The following DOCK4 variants were observed in gnomAD, a reference collection of about 807,000 sequenced individuals.
The protein encoded by DOCK4 is dedicator of cytokinesis protein 4.
A neutral mutation model predicts 268.1 loss-of-function variants in DOCK4; 97 were observed. The observed-to-expected ratio is 0.36, with a 90% confidence interval of 0.31 to 0.43. The LOEUF is 0.43. Among genes scored for constraint, DOCK4 ranks in the 20% least tolerant of loss-of-function variants. The probability of loss-of-function intolerance (pLI) is 1.00; values close to 1 mark genes in which losing one functional copy is unlikely to be tolerated. For missense variants in DOCK4, 2,145 were observed against 2,455.7 expected (o/e 0.87, Z 2.67); for synonymous variants, 954 against 887.2 (o/e 1.08, Z -1.34).
chr7:112,094,967 G>A (rs1586811503), intron 1 of DOCK4, among the ~76,000 whole-genome samples: 1 of 152,296 alleles, frequency 6.6e-6, no homozygotes, highest in African/African-American at 2.4e-5. Flanking sequence ...TTCCTGTACT[G>A]CCTGCAGAAT....
intron 28 of DOCK4, among the ~76,000 whole-genome samples, chr7:111,810,456 CA>C (rs59452952): frequency 0.076 from 10,343 of 136,046 alleles, 1,195 homozygotes; most frequent in African/African-American, 0.26. Flanking sequence ...TGTCTCAAAA[CA>C]AAAAAAAGAA....
intron 23 of DOCK4, among the ~76,000 whole-genome samples, chr7:111,851,632 T>C (rs1804562705): frequency 1.3e-5 from 2 of 151,966 alleles, no homozygotes; most frequent in Non-Finnish European, 2.9e-5. Flanking sequence ...AAGATCCCTA[T>C]TTGTTGCCTT....
At chr7:112,120,889 A>G (rs935266960) in intron 1 of DOCK4, among the ~76,000 whole-genome samples, 2 of 152,186 alleles carry the variant, frequency 1.3e-5, no homozygotes, top group East Asian at 1.9e-4. Context: ...CCTGAAATAC[A>G]TAATTATCAA....
In DOCK4 at chr7:111,941,178, T is replaced by A. The variant is rs566908660; in HGVS notation, c.845-936A>T. ...GCCCGAAAACCTCTTATTTTATCAG[T>A]TAGAATCAAACTAAAAAATGGCCCA... On this transcript the variant is annotated intron_variant, in intron 10 of 52. Coordinates refer to ENST00000428084, the MANE Select transcript of DOCK4 (RefSeq NM_001363540.2). Among the ~76,000 whole-genome samples the A allele has an allele frequency of 3.0e-4, 46 of 152,306 alleles. 1 individual carries two copies. In the South Asian group the frequency reaches 8.7e-3, roughly 29 times the overall value.
chr7:112,172,380 C>G (rs529403247), intron 1 of DOCK4, among the ~76,000 whole-genome samples: 46 of 152,234 alleles, frequency 3.0e-4, no homozygotes, highest in African/African-American at 1.0e-3. Context: ...ATTTTACCTC[C>G]CTATGAGAAA....
intron 25 of DOCK4, among the ~76,000 whole-genome samples, chr7:111,838,086 C>CAAAAA (rs749907970): frequency 1.3e-4 from 4 of 29,836 alleles, no homozygotes; most frequent in Admixed American, 8.6e-4. Context: ...AACCCTACCT[C>CAAAAA]AAAAAAAAAA....
intron 23 of DOCK4, chr7:111,863,035 A>G (rs1805678260): frequency 4.2e-6 from 1 of 239,372 alleles, no homozygotes; most frequent in Non-Finnish European, 8.3e-6. Context: ...AAAGTTTCAT[A>G]TAGCTTCAGA....
At chr7:112,003,275 C>T (rs1800587072) in intron 2 of DOCK4, among the ~76,000 whole-genome samples, 2 of 151,814 alleles carry the variant, frequency 1.3e-5, no homozygotes, top group Non-Finnish European at 2.9e-5. Flanking sequence ...GTGGTCCTAG[C>T]TACTTGGGAG....
At chr7:111,956,700 G>C (rs1796478751) in intron 8 of DOCK4, among the ~76,000 whole-genome samples, 4 of 152,134 alleles carry the variant, frequency 2.6e-5, no homozygotes, top group African/African-American at 9.7e-5. Flanking sequence ...GCAACATGTG[G>C]ATTCAGTAAT....
chr7:111,728,452 C>A lies in DOCK4; in HGVS notation c.5750G>T (p.Arg1917Leu), dbSNP rs374504389. ...TAGCGGGACGGGGCGCCGCAGAGTC[C>A]GCTCGTAGACGCTGTACGGGGGCGG... Reference protein sequence around the residue: ...KTPPPYSVYERTLRRPVPLPH... With the variant: ...KTPPPYSVYELTLRRPVPLPH... Residue 1917 changes from arginine (R) to leucine (L), a missense_variant, in exon 53 of 53, where the codon CGG (arginine) becomes CTG (leucine). By Grantham distance (102) the Arg-to-Leu change is moderately radical. Transcript: ENST00000428084. 8 of 1,604,602 alleles carry A rather than the reference C, an allele frequency of 5.0e-6. No homozygotes were observed. The South Asian group carries it at 7.8e-5, about 16-fold the overall frequency.
intron 13 of DOCK4, among the ~76,000 whole-genome samples, chr7:111,906,319 A>G (rs1226922598): frequency 1.3e-5 from 2 of 152,204 alleles, no homozygotes; most frequent in African/African-American, 2.4e-5. Context: ...GAAAGGACTC[A>G]GAACCCATCA....
chr7:111,746,911 G>C (rs1219727750), intron 43 of DOCK4, among the ~76,000 whole-genome samples: 1 of 148,614 alleles, frequency 6.7e-6, no homozygotes, highest in African/African-American at 2.5e-5. Flanking sequence ...TTACAGGTGT[G>C]AGCCACTGAG....
chr7:111,952,338 G>C (rs1049050463), intron 8 of DOCK4, among the ~76,000 whole-genome samples: 3 of 152,140 alleles, frequency 2.0e-5, no homozygotes, highest in Non-Finnish European at 4.4e-5. Context: ...AGGCACAGTA[G>C]GGATCTGAAG....
At chr7:111,955,563 G>A (rs922444319) in intron 8 of DOCK4, among the ~76,000 whole-genome samples, 2 of 152,102 alleles carry the variant, frequency 1.3e-5, no homozygotes, top group African/African-American at 4.8e-5. Context: ...TAGTCAGGAT[G>A]ATTATTGTGT....
At position 111,790,546 on chromosome 7, in the gene DOCK4, T is replaced by C. The variant is rs755242654; in HGVS notation, c.3226A>G (p.Ile1076Val). The change falls in exon 31 of 53, where the codon ATA (isoleucine) becomes GTA (valine). Residue 1076 changes from isoleucine to valine, a missense_variant. By Grantham distance (29) the Ile-to-Val change is conservative. Transcript: ENST00000428084. ...ACATTCCGAAGATCTGGCTGGGGTA[T>C]CAAGGTCACTTCTAGGAAGGGGCCA... is the stretch of plus-strand genomic sequence containing the variant. ...LIGPFLEVTL[I>V]PQPDLRNVMI... 1.3e-5 allele frequency: 21 copies of C among 1,613,802 alleles called. No homozygotes were observed. Among genetic ancestry groups the C allele is most frequent in the Non-Finnish European group, 1.6e-5 (19 of 1,179,862 alleles).
chr7:112,098,232 G>A (rs1163002644), intron 1 of DOCK4, among the ~76,000 whole-genome samples: 1 of 152,056 alleles, frequency 6.6e-6, no homozygotes, highest in Non-Finnish European at 1.5e-5. Context: ...AGGCTGGAGT[G>A]CAGTGGTGCG....
rs376550995 is a variant in DOCK4, at chr7:112,112,770, G to C, written c.37+93332C>G. 5.3e-5 allele frequency among the ~76,000 whole-genome samples: 8 copies of C among 152,240 alleles called. No homozygotes were observed. In the South Asian group the frequency reaches 8.3e-4, roughly 16 times the overall value. On this transcript the variant is annotated intron_variant, in intron 1 of 52. Coordinates refer to ENST00000428084, the MANE Select transcript of DOCK4 (RefSeq NM_001363540.2). The stretch of plus-strand genomic sequence containing the variant: ...GGTATTTCTTTATAGCAAAGAAACA[G>C]TGGCTCACACAAGAGGCCTCTCAAT...
At chr7:111,984,779 G>A (rs1277030966) in intron 6 of DOCK4, among the ~76,000 whole-genome samples, 2 of 152,150 alleles carry the variant, frequency 1.3e-5, no homozygotes, top group Non-Finnish European at 2.9e-5. Flanking sequence ...GGAGTTGAGG[G>A]GAAGGAAATT....
intron 12 of DOCK4, among the ~76,000 whole-genome samples, chr7:111,924,155 T>A (rs1244064099): frequency 6.6e-6 from 1 of 152,214 alleles, no homozygotes; most frequent in East Asian, 1.9e-4. Flanking sequence ...TCCTGATAGT[T>A]TATTACCTAA....
Sources: gnomAD v4.1 joint callset for allele counts (sites outside exome capture counted in the v4.1 genomes callset) on GRCh38, gnomAD v4.1.1 for gene constraint, MANE v1.5 for transcripts, NCBI Gene and HGNC (gene_info 2026-07-23, HGNC 2026-07-21) for gene names.